NRXN1: variants seen among roughly 807,000 people sequenced by gnomAD.
The protein encoded by NRXN1 is neurexin-1.
In NRXN1, 39 loss-of-function variants were observed where a neutral mutation model predicts 150.9. The observed-to-expected ratio is 0.26, with a 90% confidence interval of 0.20 to 0.34. NRXN1 has a LOEUF of 0.34. Ranked by LOEUF, NRXN1 falls within the 10% of genes least tolerant of loss-of-function variation. NRXN1 has a pLI of 1.00. For missense variants in NRXN1, 1,815 were observed against 1,949.9 expected, an observed-to-expected ratio of 0.93 and a Z score of 1.30; for synonymous variants, 924 against 757.0, an observed-to-expected ratio of 1.22 and a Z score of -3.62.
intron 5 of NRXN1, among the ~76,000 whole-genome samples, chr2:50,648,701 C>G (rs1377320263): frequency 6.6e-6 from 1 of 151,966 alleles, no homozygotes; most frequent in African/African-American, 2.4e-5. Context: ...TTTAATGGGT[C>G]AGCAAGCTTC....
At chr2:50,500,369 T>C (rs1317544680) in intron 13 of NRXN1, among the ~76,000 whole-genome samples, 1 of 152,012 alleles carries the variant, frequency 6.6e-6, no homozygotes, top group Non-Finnish European at 1.5e-5. Context: ...ATAATTACAG[T>C]GATGGTAGAT....
chr2:50,246,022 G>A (rs1383781982), intron 17 of NRXN1, among the ~76,000 whole-genome samples: 1 of 151,764 alleles, frequency 6.6e-6, no homozygotes, highest in African/African-American at 2.4e-5. Flanking sequence ...AATCATTTTA[G>A]AGTTTTTCTA....
At chr2:50,052,885 G>C (rs1692945377) in intron 21 of NRXN1, among the ~76,000 whole-genome samples, 1 of 151,990 alleles carries the variant, frequency 6.6e-6, no homozygotes, top group South Asian at 2.1e-4. Context: ...AATTTGCCTT[G>C]ATTTTATTTT....
chr2:50,505,754 A>G (rs1429664715), intron 13 of NRXN1, among the ~76,000 whole-genome samples: 4 of 152,148 alleles, frequency 2.6e-5, no homozygotes, highest in Admixed American at 2.6e-4. Flanking sequence ...GAATGAACAG[A>G]CACGTATCCA....
Position 50,538,159 on chromosome 2 carries a change from T to C in NRXN1, c.2143+94A>G, listed in dbSNP as rs76717719. 9.2e-3 allele frequency: 12,718 copies of C among 1,384,408 alleles called. 122 individuals carry two copies. Among genetic ancestry groups the C allele is most frequent in the African/African-American group, 0.047 (3,266 of 69,534 alleles). The allele number at this position is 1,384,408 out of a possible 1,614,324, so 85.8% of individuals were successfully genotyped here. The stretch of plus-strand genomic sequence containing the variant: ...AAACAGAGTTTACTTCAGTAGAGTA[T>C]ACATTACGTTTCAATGGTCAGTGCA... On this transcript the variant is annotated intron_variant, in intron 10 of 22. Coordinates refer to ENST00000401669, the MANE Select transcript of NRXN1 (RefSeq NM_001330078.2).
intron 18 of NRXN1, among the ~76,000 whole-genome samples, chr2:50,128,912 G>A (rs1462390691): frequency 6.7e-6 from 1 of 149,480 alleles, no homozygotes. Flanking sequence ...GAACCTGGGA[G>A]GTGCAGGTTG....
At chr2:49,983,411 TTA>T (rs1458910815) in intron 21 of NRXN1, among the ~76,000 whole-genome samples, 2 of 152,164 alleles carry the variant, frequency 1.3e-5, no homozygotes, top group Non-Finnish European at 1.5e-5. Flanking sequence ...CTTTCTTTCC[TTA>T]AGTCTTTTAT....
intron 15 of NRXN1, among the ~76,000 whole-genome samples, chr2:50,477,644 G>C (rs2090098580): frequency 6.6e-6 from 1 of 152,082 alleles, no homozygotes. Flanking sequence ...GTACTTTTTT[G>C]AACCTCTTAA....
At chr2:50,491,519 A>G (rs1317823445) in intron 15 of NRXN1, among the ~76,000 whole-genome samples, 2 of 152,142 alleles carry the variant, frequency 1.3e-5, no homozygotes, top group African/African-American at 4.8e-5. Flanking sequence ...AAGGTTGAGG[A>G]GGAGATAAAT....
intron 21 of NRXN1, among the ~76,000 whole-genome samples, chr2:49,964,710 G>T (rs1199075214): frequency 6.6e-6 from 1 of 151,610 alleles, no homozygotes; most frequent in African/African-American, 2.4e-5. Flanking sequence ...ACATGGTGGC[G>T]GGCACCTGTA....
At chr2:49,985,737 T>C (rs1680796433) in intron 21 of NRXN1, among the ~76,000 whole-genome samples, 1 of 152,202 alleles carries the variant, frequency 6.6e-6, no homozygotes, top group African/African-American at 2.4e-5. Flanking sequence ...CTGCTCCTTT[T>C]CACTTAAGAA....
chr2:49,953,805 T>C (rs963845145), intron 21 of NRXN1, among the ~76,000 whole-genome samples: 4 of 151,932 alleles, frequency 2.6e-5, no homozygotes, highest in African/African-American at 9.7e-5. Context: ...ATTATTATTA[T>C]AGAAAACACA....
rs183882323 is a variant in NRXN1, at chr2:50,944,520, G to A, written c.773-18565C>T. Among the ~76,000 whole-genome samples, 104 of 152,178 alleles carry A rather than the reference G, an allele frequency of 6.8e-4. 1 individual carries two copies. Among genetic ancestry groups the A allele is most frequent in the African/African-American group, 2.5e-3 (102 of 41,534 alleles). ...GACACCCAAATACTTTCCTACTTCC[G>A]TTTATTCATTTTGTATAAGAAAACA... On this transcript the variant is annotated intron_variant, in intron 2 of 22. Coordinates refer to ENST00000401669, the MANE Select transcript of NRXN1 (RefSeq NM_001330078.2).
At chr2:50,776,322 A>C (rs560450389) in intron 5 of NRXN1, among the ~76,000 whole-genome samples, 1 of 152,240 alleles carries the variant, frequency 6.6e-6, no homozygotes, top group East Asian at 1.9e-4. Flanking sequence ...CTTAATTGAC[A>C]TGTTATCATT....
At chr2:50,986,685 T>A (rs993498498) in intron 2 of NRXN1, among the ~76,000 whole-genome samples, 12 of 151,504 alleles carry the variant, frequency 7.9e-5, no homozygotes, top group Middle Eastern at 6.9e-3. Flanking sequence ...AGGTCTTTTT[T>A]AAACTTTTTA....
chr2:50,679,500 C>A (rs1357680669), intron 5 of NRXN1, among the ~76,000 whole-genome samples: 1 of 152,088 alleles, frequency 6.6e-6, no homozygotes, highest in Non-Finnish European at 1.5e-5. Context: ...CCAAAAATTA[C>A]AAACTTTCCA....
chr2:50,267,966 G>A (rs1266182687), intron 17 of NRXN1, among the ~76,000 whole-genome samples: 1 of 152,084 alleles, frequency 6.6e-6, no homozygotes, highest in Non-Finnish European at 1.5e-5. Context: ...GAGGCAGGTG[G>A]ATTGCCTGAG....
intron 22 of NRXN1, among the ~76,000 whole-genome samples, chr2:49,923,425 CA>C (rs1353862384): frequency 6.6e-6 from 1 of 152,054 alleles, no homozygotes; most frequent in African/African-American, 2.4e-5. Context: ...CTACAACTTT[CA>C]AAACACTATT....
chr2:50,653,016 T>A (rs929323812), intron 5 of NRXN1, among the ~76,000 whole-genome samples: 4 of 152,024 alleles, frequency 2.6e-5, no homozygotes, highest in African/African-American at 9.7e-5. Flanking sequence ...TCCTTGACTT[T>A]TGTAATGTCC....
Sources: gnomAD v4.1 joint callset for allele counts (sites outside exome capture counted in the v4.1 genomes callset) on GRCh38, gnomAD v4.1.1 for gene constraint, MANE v1.5 for transcripts, NCBI Gene and HGNC (gene_info 2026-07-23, HGNC 2026-07-21) for gene names.